The following ZNG1A variants were observed in gnomAD, a reference collection of about 807,000 sequenced individuals.
The protein encoded by ZNG1A is Zn regulated GTPase metalloprotein activator 1A.
the ZNG1A span, among the ~76,000 whole-genome samples, chr9:176,785 G>A: frequency 6.6e-6 from 1 of 151,720 alleles, no homozygotes; most frequent in Non-Finnish European, 1.5e-5. Context: ...AAAGGAAAGG[G>A]TGAATGTAAG....
At chr9:146,224 A>G in the ZNG1A span, 127 of 1,582,222 alleles carry the variant, frequency 8.0e-5, 1 homozygote, top group Admixed American at 9.3e-4. Flanking sequence ...TAATCAAGAA[A>G]AAAAACTCTG....
At chr9:165,897 T>G in the ZNG1A span, 1 of 115,900 alleles carries the variant, frequency 8.6e-6, no homozygotes, top group East Asian at 2.3e-4. Flanking sequence ...AACAAAGTTA[T>G]ATGTGATTGA....
At chr9:135,736 G>A in the ZNG1A span, among the ~76,000 whole-genome samples, 1,291 of 116,068 alleles carry the variant, frequency 0.011, no homozygotes, top group African/African-American at 0.049. Flanking sequence ...ACAGTGAGGG[G>A]TAAATTAGTA....
the ZNG1A span, among the ~76,000 whole-genome samples, chr9:174,832 T>C: frequency 1.3e-4 from 20 of 151,070 alleles, no homozygotes; most frequent in East Asian, 1.9e-3. Context: ...AACAGAAGTA[T>C]TGTGTCTAGA....
chr9:122,593 G>A, the ZNG1A span: 3 of 1,018,392 alleles, frequency 2.9e-6, no homozygotes, highest in South Asian at 1.1e-4. Flanking sequence ...ATTGTGTATT[G>A]ATTTGCAGAA....
At chr9:127,141 A>G in the ZNG1A span, among the ~76,000 whole-genome samples, 5 of 152,206 alleles carry the variant, frequency 3.3e-5, no homozygotes, top group African/African-American at 1.2e-4. Context: ...TGTTGAACAG[A>G]ACGTATATTC....
the ZNG1A span, among the ~76,000 whole-genome samples, chr9:174,913 A>C: frequency 6.7e-6 from 1 of 150,344 alleles, no homozygotes; most frequent in African/African-American, 2.5e-5. Flanking sequence ...AGATAACTTA[A>C]AATACATGAG....
chr9:130,128 ATACT>A, the ZNG1A span, among the ~76,000 whole-genome samples: 1 of 151,146 alleles, frequency 6.6e-6, no homozygotes, highest in African/African-American at 2.5e-5. Context: ...GTGCATGACT[ATACT>A]TATTTTTAAA....
chr9:127,519 G>A, the ZNG1A span, among the ~76,000 whole-genome samples: 9 of 152,304 alleles, frequency 5.9e-5, no homozygotes, highest in Non-Finnish European at 7.4e-5. Context: ...TTTGGTGTCC[G>A]TTTGCATGAA....
the ZNG1A span, among the ~76,000 whole-genome samples, chr9:156,135 A>AATT: frequency 7.2e-6 from 1 of 138,030 alleles, no homozygotes; most frequent in Non-Finnish European, 1.5e-5. Flanking sequence ...AAAAAATAAT[A>AATT]ATTATTATTA....
the ZNG1A span, among the ~76,000 whole-genome samples, chr9:171,033 T>C: frequency 1.3e-5 from 2 of 151,342 alleles, no homozygotes; most frequent in Non-Finnish European, 2.9e-5. Context: ...TATTTTTCTT[T>C]CTTACCAGAT....
the ZNG1A span, chr9:122,147 G>C: frequency 6.3e-7 from 1 of 1,588,956 alleles, no homozygotes; most frequent in Non-Finnish European, 8.6e-7. Flanking sequence ...CTTAAAAGCA[G>C]AAATAGAGCA....
At chr9:146,334 C>T in the ZNG1A span, 1 of 580,916 alleles carries the variant, frequency 1.7e-6, no homozygotes, top group Non-Finnish European at 2.8e-6. Context: ...TTTATTACTT[C>T]AATGAATTAG....
the ZNG1A span, among the ~76,000 whole-genome samples, chr9:131,460 C>T: frequency 1.3e-5 from 2 of 149,716 alleles, no homozygotes; most frequent in African/African-American, 5.1e-5. Context: ...ACTAAGCCCC[C>T]TAATGTGCTT....
chr9:128,742 T>C, the ZNG1A span, among the ~76,000 whole-genome samples: 1 of 150,520 alleles, frequency 6.6e-6, no homozygotes, highest in African/African-American at 2.5e-5. Context: ...TTGGGGGGTG[T>C]TAAAGAACCT....
the ZNG1A span, among the ~76,000 whole-genome samples, chr9:160,944 TA>T: frequency 2.0e-5 from 3 of 150,962 alleles, no homozygotes; most frequent in Admixed American, 6.6e-5. Context: ...GAAACTGTAA[TA>T]CTGTATTTGG....
chr9:126,533 C>T, the ZNG1A span, among the ~76,000 whole-genome samples: 3 of 152,030 alleles, frequency 2.0e-5, no homozygotes, highest in African/African-American at 4.8e-5. Flanking sequence ...TTTTGTATTT[C>T]TGTGGTGTCA....
the ZNG1A span, among the ~76,000 whole-genome samples, chr9:131,258 G>C: frequency 1.5e-5 from 2 of 134,842 alleles, no homozygotes. Context: ...AAACAGAAAA[G>C]TGAGCCAATA....
chr9:139,606 C>G, the ZNG1A span, among the ~76,000 whole-genome samples: 1 of 152,106 alleles, frequency 6.6e-6, no homozygotes. Context: ...AGATTCCCCA[C>G]AGGAGAAGGC....
Sources: gnomAD v4.1 joint callset for allele counts (sites outside exome capture counted in the v4.1 genomes callset) on GRCh38, gnomAD v4.1.1 for gene constraint, MANE v1.5 for transcripts, NCBI Gene and HGNC (gene_info 2026-07-23, HGNC 2026-07-21) for gene names.